Variants in ZBBX observed in about 807,000 individuals in gnomAD.
ZBBX encodes zinc finger B-box domain-containing protein 1.
A neutral mutation model predicts 108.5 loss-of-function variants in ZBBX; 101 were observed. The observed-to-expected ratio is 0.93, with a 90% CI of 0.79 to 1.10. The LOEUF (loss-of-function observed/expected upper bound fraction) is 1.10, where lower values mean the gene tolerates loss of function less well. Ranked by LOEUF, ZBBX falls within the 50% of genes least tolerant of loss-of-function variation. The probability of loss-of-function intolerance (pLI) is 0.00; values close to 1 mark genes in which losing one functional copy is unlikely to be tolerated. For synonymous variants in ZBBX, 356 were observed against 323.4 expected (o/e 1.10, Z -1.08); for missense variants, 1,009 against 941.4 (o/e 1.07, Z -0.94).
chr3:167,284,737 T>G (rs1334649363), intron 19 of ZBBX, among the ~76,000 whole-genome samples: 2 of 152,158 alleles, frequency 1.3e-5, no homozygotes, highest in Non-Finnish European at 2.9e-5. Flanking sequence ...TCTTTCTTAC[T>G]GGAAATATGC....
At chr3:167,202,933 TA>T in the ZBBX span, among the ~76,000 whole-genome samples, 1 of 152,122 alleles carries the variant, frequency 6.6e-6, no homozygotes, top group Non-Finnish European at 1.5e-5. Flanking sequence ...TATCTTACAA[TA>T]GGGAATAGTT....
the ZBBX span, among the ~76,000 whole-genome samples, chr3:167,181,720 G>A: frequency 6.6e-6 from 1 of 152,156 alleles, no homozygotes; most frequent in Non-Finnish European, 1.5e-5. Context: ...GCTTTCCAGG[G>A]AACAGAAGTA....
chr3:167,305,852 A>G lies in ZBBX; in HGVS notation c.1516T>C (p.Leu506=), dbSNP rs757173235. The change falls in exon 17 of 22, where the codon TTA becomes CTA. Residue 506 remains leucine (L), a synonymous_variant. Transcript: ENST00000675490. Reference sequence around the variant, plus strand: ...TCTAAACCTATATTTTTCTCCTTTAAATTTCTTTCAAAGGAGGTGCTTTCC... The same window carrying G: ...TCTAAACCTATATTTTTCTCCTTTAGATTTCTTTCAAAGGAGGTGCTTTCC... ...IEESTSFERN[L]KEKNIGLESN... 4 of 1,610,390 alleles carry G rather than the reference A, an allele frequency of 2.5e-6. No homozygotes were observed. Among genetic ancestry groups the G allele is most frequent in the Non-Finnish European group, 3.4e-6 (4 of 1,178,376 alleles).
At chr3:167,189,682 C>G in the ZBBX span, among the ~76,000 whole-genome samples, 1 of 152,194 alleles carries the variant, frequency 6.6e-6, no homozygotes, top group Non-Finnish European at 1.5e-5. Flanking sequence ...TTTAGAGGAA[C>G]ATACAGACTT....
rs2108629305 is a variant in ZBBX, at chr3:167,380,248, T to G, written c.-288A>C. The G allele has an allele frequency of 6.6e-6, 1 of 152,420 alleles. No homozygotes were observed. The highest frequency in any genetic ancestry group is 2.1e-4 in the South Asian group (1 of 4,828). 9.4% of individuals were successfully genotyped at this position (152,420 alleles called of 1,614,324 possible). Reference sequence around the variant, plus strand: ...TCCACCCGCAGACAGACAACCCACCTGGAGACCCCAGCCTCTCGCGTCACC... The same window carrying G: ...TCCACCCGCAGACAGACAACCCACCGGGAGACCCCAGCCTCTCGCGTCACC... On this transcript the variant is annotated splice_region_variant and 5_prime_UTR_variant, in exon 1 of 22. Transcript: ENST00000675490.
intron 20 of ZBBX, 109 bp downstream of exon 20, chr3:167,282,129 G>A: frequency 8.3e-7 from 1 of 1,200,290 alleles, no homozygotes; most frequent in East Asian, 2.4e-5. Flanking sequence ...AGAAGAAAAA[G>A]GAAAGCTTTC....
intron 1 of ZBBX, among the ~76,000 whole-genome samples, chr3:167,389,394 T>C (rs1433083281): frequency 6.6e-6 from 1 of 152,150 alleles, no homozygotes; most frequent in African/African-American, 2.4e-5. Flanking sequence ...GGCATTTGGG[T>C]TGGTTCCAAA....
chr3:167,390,350 T>C (rs184063855), intron 1 of ZBBX, among the ~76,000 whole-genome samples: 2 of 152,272 alleles, frequency 1.3e-5, no homozygotes, highest in East Asian at 3.9e-4. Context: ...AGTGCCATGC[T>C]GTTTTGGTTA....
chr3:167,226,231 G>A, the ZBBX span, among the ~76,000 whole-genome samples: 1 of 151,734 alleles, frequency 6.6e-6, no homozygotes, highest in Non-Finnish European at 1.5e-5. Context: ...CTTTCTGCAA[G>A]ACCAGTATGA....
chr3:167,393,411 C>T (rs939885093), intron 1 of ZBBX, among the ~76,000 whole-genome samples: 4 of 151,810 alleles, frequency 2.6e-5, no homozygotes, highest in Non-Finnish European at 5.9e-5. Context: ...ATTTCCATTG[C>T]TACTTATTTT....
chr3:167,292,094 A>G (rs538813579), intron 18 of ZBBX, among the ~76,000 whole-genome samples: 1 of 152,270 alleles, frequency 6.6e-6, no homozygotes, highest in African/African-American at 2.4e-5. Flanking sequence ...AGACTCCTAT[A>G]CAATAATAGT....
rs757180107 is a variant in ZBBX at position 167,372,878 on chromosome 3, A to C, written c.24T>G (p.Val8=). MNRKDFV[V]LPWGKPGNSV... The stretch of plus-strand genomic sequence containing the variant: ...AATTTCCAGGTTTTCCCCATGGAAG[A>C]ACTACAAAATCTTTTCTGTTCATGA... The change falls in exon 4 of 22, where the codon GTT becomes GTG. Residue 8 remains valine (V), a synonymous_variant. Transcript: ENST00000675490. The C allele has an allele frequency of 1.2e-6, 2 of 1,601,854 alleles. No homozygotes were observed. Among genetic ancestry groups the C allele is most frequent in the Non-Finnish European group, 1.7e-6 (2 of 1,173,620 alleles).
At chr3:167,297,131 T>C (rs1484143653) in intron 18 of ZBBX, among the ~76,000 whole-genome samples, 2 of 152,042 alleles carry the variant, frequency 1.3e-5, no homozygotes, top group Non-Finnish European at 2.9e-5. Context: ...GGTATAAAAC[T>C]TATTTTGAAA....
intron 1 of ZBBX, among the ~76,000 whole-genome samples, chr3:167,388,671 T>G (rs1052971434): frequency 6.6e-6 from 1 of 152,042 alleles, no homozygotes; most frequent in Admixed American, 6.6e-5. Flanking sequence ...AATTTAGTTG[T>G]GTCCAGAGGG....
chr3:167,224,211 T>G, the ZBBX span, among the ~76,000 whole-genome samples: 1 of 151,990 alleles, frequency 6.6e-6, no homozygotes, highest in African/African-American at 2.4e-5. Flanking sequence ...ACTGTATTAT[T>G]TTCAGACTTC....
chr3:167,356,221 T>C (rs1171183646), intron 8 of ZBBX, among the ~76,000 whole-genome samples: 1 of 152,122 alleles, frequency 6.6e-6, no homozygotes, highest in Non-Finnish European at 1.5e-5. Context: ...TTAGCATTTG[T>C]TTATAATTTT....
At chr3:167,230,608 G>C in the ZBBX span, among the ~76,000 whole-genome samples, 1 of 151,698 alleles carries the variant, frequency 6.6e-6, no homozygotes, top group African/African-American at 2.4e-5. Context: ...AGGGAGTCAA[G>C]GTAAAGGTCC....
chr3:167,356,834 CAAAT>C (rs763026018), intron 8 of ZBBX, among the ~76,000 whole-genome samples: 2 of 151,982 alleles, frequency 1.3e-5, no homozygotes, highest in Non-Finnish European at 2.9e-5. Context: ...ATTACATAGA[CAAAT>C]GAACTAGCTT....
At chr3:167,383,455 T>C (rs1747810831), upstream of ZBBX, among the ~76,000 whole-genome samples, 1 of 152,084 alleles carries the variant, frequency 6.6e-6, no homozygotes, top group African/African-American at 2.4e-5. Flanking sequence ...CAAATTAGTA[T>C]GATATAAATA....
Sources: gnomAD v4.1 joint callset for allele counts (sites outside exome capture counted in the v4.1 genomes callset) on GRCh38, gnomAD v4.1.1 for gene constraint, MANE v1.5 for transcripts, NCBI Gene and HGNC (gene_info 2026-07-23, HGNC 2026-07-21) for gene names.